CCDC77: variants seen among roughly 807,000 people sequenced by gnomAD.
The protein encoded by CCDC77 is coiled-coil domain containing 77.
In CCDC77, 56 loss-of-function variants were observed where a neutral mutation model predicts 66.8. The ratio of observed to expected loss-of-function variants is 0.84; its 90% CI spans 0.68 to 1.05. The LOEUF is 1.05. CCDC77 is among the 50% of genes least tolerant of loss of function. The pLI, the probability that CCDC77 is intolerant of heterozygous loss-of-function variation, is 0.00. For missense variants in CCDC77, 570 were observed against 576.8 expected (o/e 0.99, Z 0.12); for synonymous variants, 196 against 195.2 (o/e 1.00, Z -0.03).
At chr12:432,523 T>C (rs1229296526) in intron 8 of CCDC77, among the ~76,000 whole-genome samples, 2 of 152,224 alleles carry the variant, frequency 1.3e-5, no homozygotes, top group South Asian at 2.1e-4. Flanking sequence ...TTACATTATA[T>C]TCATTTTGCT....
At chr12:391,889 G>C (rs754701915) in intron 1 of CCDC77, among the ~76,000 whole-genome samples, 9 of 152,188 alleles carry the variant, frequency 5.9e-5, no homozygotes, top group Non-Finnish European at 1.3e-4. Flanking sequence ...AACATCTCTG[G>C]TGCGAACAGA....
intron 6 of CCDC77, 128 bp from the exon 7 acceptor site, chr12:430,536 C>T (rs773022087): frequency 4.4e-5 from 32 of 731,686 alleles, no homozygotes; most frequent in Non-Finnish European, 7.5e-5. Context: ...ATGTGCATGA[C>T]ATCCTTATAT....
intron 5 of CCDC77, among the ~76,000 whole-genome samples, chr12:426,315 A>G (rs1419827355): frequency 6.6e-6 from 1 of 152,208 alleles, no homozygotes; most frequent in Non-Finnish European, 1.5e-5. Flanking sequence ...ATTAGTGGCC[A>G]CTTACCATGT....
chr12:393,372 C>T (rs1341675411), intron 1 of CCDC77, among the ~76,000 whole-genome samples: 6 of 152,152 alleles, frequency 3.9e-5, no homozygotes, highest in African/African-American at 1.2e-4. Flanking sequence ...CTCGGCCCCC[C>T]AAAGTGCTGC....
At chr12:399,538 G>C (rs1944870136), upstream of CCDC77, among the ~76,000 whole-genome samples, 1 of 152,202 alleles carries the variant, frequency 6.6e-6, no homozygotes, top group South Asian at 2.1e-4. Flanking sequence ...CAGAATGTCT[G>C]TTGTGTTTGC....
Position 442,108 on chromosome 12 carries a change from A to G in CCDC77, c.*188A>G. The G allele has an allele frequency of 3.2e-6, 2 of 617,712 alleles. No individual in the cohort carries two copies. The highest frequency in any genetic ancestry group is 5.6e-5 in the East Asian group (2 of 35,938). 38.3% of individuals were successfully genotyped at this position (617,712 alleles called of 1,614,324 possible). ...TCTTGCATACTCAGCTTGCTTTATCATTTTTGCTGTCCTTTTAACACTTGC... is the reference window on the plus strand; with the variant it reads ...TCTTGCATACTCAGCTTGCTTTATCGTTTTTGCTGTCCTTTTAACACTTGC... On this transcript the variant is annotated 3_prime_UTR_variant, in exon 13 of 13. Transcript: ENST00000239830.
intron 2 of CCDC77, among the ~76,000 whole-genome samples, chr12:408,248 C>T (rs1033152058): frequency 7.2e-5 from 11 of 152,162 alleles, no homozygotes; most frequent in Non-Finnish European, 1.6e-4. Context: ...CCTTCTGTCT[C>T]TGTCAATCAT....
At position 438,321 on chromosome 12, in the gene CCDC77, A is replaced by G; in HGVS notation, c.822-14A>G. ...TGCGCATCCTCATGTCTGCATTTAT[A>G]CTTTCTTTCCTAGTCTTCACCACAC... On this transcript the variant is annotated splice_polypyrimidine_tract_variant and intron_variant, in intron 9 of 12. Coordinates refer to ENST00000239830, the MANE Select transcript of CCDC77 (RefSeq NM_032358.4). 1 of 1,580,680 alleles carries G rather than the reference A, an allele frequency of 6.3e-7. No individual in the cohort carries two copies. Among genetic ancestry groups the G allele is most frequent in the Non-Finnish European group, 8.7e-7 (1 of 1,153,930 alleles).
In CCDC77 at chr12:433,269, A is replaced by C; in HGVS notation, c.768A>C (p.Glu256Asp). ...AGGACAGACGGATTCACCTTGAGGAAATACAAGTTCAGCACCAGAGAAATC... is the reference window on the plus strand; with the variant it reads ...AGGACAGACGGATTCACCTTGAGGACATACAAGTTCAGCACCAGAGAAATC... ...LIEDRRIHLE[E>D]IQVQHQRNQN... Residue 256 changes from glutamate to aspartate, a missense_variant, in exon 9 of 13, where the codon GAA becomes GAC. Coordinates refer to ENST00000239830, the MANE Select transcript of CCDC77 (RefSeq NM_032358.4). 4 of 1,614,112 alleles carry C rather than the reference A, an allele frequency of 2.5e-6. No homozygotes were observed. Among genetic ancestry groups the C allele is most frequent in the Non-Finnish European group, 2.5e-6 (3 of 1,180,028 alleles).
Position 418,607 on chromosome 12 carries a change from C to T in CCDC77, c.384C>T (p.Leu128=). 6.2e-7 allele frequency: 1 copy of T among 1,614,126 alleles called. No homozygotes were observed. Among genetic ancestry groups the T allele is most frequent in the Non-Finnish European group, 8.5e-7 (1 of 1,180,000 alleles). ...AGGAACGGGAACATGTTTTACGCCT[C>T]TACTCAGAAAATGACCGACTGAGAA... is the stretch of plus-strand genomic sequence containing the variant. ...LFQEREHVLR[L]YSENDRLRIR... The change falls in exon 5 of 13, where the codon CTC becomes CTT. Residue 128 remains leucine (L), a synonymous_variant. Transcript: ENST00000239830.
At chr12:405,185 C>G (rs1944969924) in intron 1 of CCDC77, among the ~76,000 whole-genome samples, 2 of 152,304 alleles carry the variant, frequency 1.3e-5, no homozygotes, top group African/African-American at 4.8e-5. Flanking sequence ...TGAAACAAGA[C>G]AGTCACAAAA....
In CCDC77 at chr12:418,182, G is replaced by A. The variant is rs543661853; in HGVS notation, c.271-312G>A. 1.6e-4 allele frequency among the ~76,000 whole-genome samples: 25 copies of A among 152,202 alleles called. No homozygotes were observed. The South Asian group carries it at 5.0e-3, about 30-fold the overall frequency. The stretch of plus-strand genomic sequence containing the variant: ...AAAAATACAAAAATTAGCCGGGCAT[G>A]GTGGCATGCACCTGTAATCTCAGCT... On this transcript the variant is annotated intron_variant, in intron 4 of 12. Transcript: ENST00000239830.
chr12:406,505 A>G (rs1241182527), intron 2 of CCDC77, among the ~76,000 whole-genome samples: 1 of 152,240 alleles, frequency 6.6e-6, no homozygotes, highest in African/African-American at 2.4e-5. Flanking sequence ...GGTTGGCCAG[A>G]TCATACAGGA....
At chr12:417,138 A>C (rs1409819711) in intron 4 of CCDC77, among the ~76,000 whole-genome samples, 1 of 151,544 alleles carries the variant, frequency 6.6e-6, no homozygotes, top group Non-Finnish European at 1.5e-5. Context: ...GTCTCAAAAA[A>C]AAAAAAAAAA....
Position 441,017 on chromosome 12 carries a change from G to A in CCDC77, c.1320+21G>A, listed in dbSNP as rs370296041. 7.5e-6 allele frequency: 12 copies of A among 1,605,694 alleles called. No homozygotes were observed. The African/African-American group carries it at 1.5e-4, about 20-fold the overall frequency. ...ATAAGGTAATTGCTGGTCCTGAATT[G>A]CCACGAGGGAGAGAAGAGGTGTAAG... is the stretch of plus-strand genomic sequence containing the variant. On this transcript the variant is annotated intron_variant, in intron 12 of 12. Transcript: ENST00000239830.
At chr12:424,762 G>A (rs1410672238) in intron 5 of CCDC77, among the ~76,000 whole-genome samples, 2 of 151,954 alleles carry the variant, frequency 1.3e-5, no homozygotes, top group Non-Finnish European at 2.9e-5. Context: ...TCTTCTGAAA[G>A]TTTTATTATT....
At chr12:404,965 G>A (rs1353003435) in intron 1 of CCDC77, among the ~76,000 whole-genome samples, 4 of 151,978 alleles carry the variant, frequency 2.6e-5, no homozygotes, top group Non-Finnish European at 2.9e-5. Flanking sequence ...CAGGTGATCC[G>A]CCTTCCTCGG....
At chr12:405,229 G>A (rs1944970721) in intron 1 of CCDC77, among the ~76,000 whole-genome samples, 1 of 152,220 alleles carries the variant, frequency 6.6e-6, no homozygotes, top group Non-Finnish European at 1.5e-5. Context: ...TTATAGGAAA[G>A]TCCAGAATAG....
intron 1 of CCDC77, chr12:389,671 G>T (rs1055064002): frequency 3.2e-5 from 6 of 186,110 alleles, no homozygotes; most frequent in Non-Finnish European, 5.8e-5. Context: ...CGGTGAGGAG[G>T]GTCCCTTTCC....
Sources: allele counts gnomAD v4.1 joint callset (sites outside exome capture counted in the v4.1 genomes callset), GRCh38; gene constraint gnomAD v4.1.1; transcripts MANE v1.5; gene names NCBI Gene and HGNC (gene_info 2026-07-23, HGNC 2026-07-21).